Variants in LIN7B observed in about 807,000 individuals in gnomAD.
LIN7B encodes the protein lin-7 cell polarity scaffold B, also known as protein lin-7 homolog B.
LIN7B carries 16 observed loss-of-function variants against 27.9 expected under a neutral mutation model. That is an observed-to-expected ratio of 0.57 (90% CI 0.39 to 0.87). LIN7B has a LOEUF of 0.87. Ranked by LOEUF, LIN7B falls within the 40% of genes least tolerant of loss-of-function variation. LIN7B has a pLI of 0.00. For missense variants in LIN7B, 291 were observed against 288.5 expected, an observed-to-expected ratio of 1.01 and a Z score of -0.06; for synonymous variants, 147 against 120.8, an observed-to-expected ratio of 1.22 and a Z score of -1.42.
chr19:49,117,953 G>T lies in LIN7B; in HGVS notation c.537G>T (p.Glu179Asp). ...TCCGTTACACACCGCGAGTGCTGGA[G>T]GAGATGGAGGCCCGGTTCGAGAAGA... Reference protein sequence around the residue: ...LVVRYTPRVLEEMEARFEKMR... With the variant: ...LVVRYTPRVLDEMEARFEKMR... Residue 179 changes from glutamate to aspartate, a missense_variant, in exon 5 of 6, where the codon GAG (glutamate) becomes GAT (aspartate). Coordinates refer to ENST00000221459, the MANE Select transcript of LIN7B (RefSeq NM_022165.3). 1 of 1,614,126 alleles carries T rather than the reference G, an allele frequency of 6.2e-7. No homozygotes were observed. Among genetic ancestry groups the T allele is most frequent in the Non-Finnish European group, 8.5e-7 (1 of 1,179,990 alleles).
intron 4 of LIN7B, 135 bp downstream of exon 4, chr19:49,116,607 CTG>C (rs2040830316): frequency 5.9e-6 from 5 of 840,498 alleles, no homozygotes; most frequent in East Asian, 2.7e-5. Flanking sequence ...GTTACAGACT[CTG>C]AGAGATGTTG....
Position 49,114,865 on chromosome 19 carries a change from T to C in LIN7B, c.54T>C (p.Val18=). ...GCCCCGCAGACGTGTCCCGGGCGGTTGAGCTCCTCGAGCGGCTCCAGCGCA... is the reference window on the plus strand; with the variant it reads ...GCCCCGCAGACGTGTCCCGGGCGGTCGAGCTCCTCGAGCGGCTCCAGCGCA... The part of the protein sequence containing the change: ...LGLERDVSRA[V]ELLERLQRSG... Residue 18 remains valine, a synonymous_variant, in exon 2 of 6, where the codon GTT becomes GTC. Transcript: ENST00000221459. 6.8e-7 allele frequency: 1 copy of C among 1,467,808 alleles called. No individual in the cohort carries two copies. The highest frequency in any genetic ancestry group is 9.0e-7 in the Non-Finnish European group (1 of 1,114,070). The allele number at this position is 1,467,808 out of a possible 1,614,324, so 90.9% of individuals were successfully genotyped here. A position where few individuals can be genotyped will look rare whatever the true frequency, so the allele number is the denominator to read the frequency against.
Position 49,114,878 on chromosome 19 carries a change from C to A in LIN7B, c.67C>A (p.Arg23=), listed in dbSNP as rs542869528. The A allele has an allele frequency of 7.5e-6, 11 of 1,471,512 alleles. No individual in the cohort carries two copies. The highest frequency in any genetic ancestry group is 2.9e-5 in the African/African-American group (2 of 68,372). The allele number at this position is 1,471,512 out of a possible 1,614,324, so 91.2% of individuals were successfully genotyped here. A position where few individuals can be genotyped will look rare whatever the true frequency, so the allele number is the denominator to read the frequency against. The part of the protein sequence containing the change: ...DVSRAVELLE[R]LQRSGELPPQ... ...GTCCCGGGCGGTTGAGCTCCTCGAG[C>A]GGCTCCAGCGCAGCGGGGAGCTGCC... Residue 23 remains arginine, a synonymous_variant, in exon 2 of 6, where the codon CGG becomes AGG. Coordinates refer to ENST00000221459, the MANE Select transcript of LIN7B (RefSeq NM_022165.3).
At chr19:49,117,129 C>G (rs57708405) in intron 4 of LIN7B, among the ~76,000 whole-genome samples, 6,173 of 151,692 alleles carry the variant, frequency 0.041, 141 homozygotes, top group Middle Eastern at 0.085. Flanking sequence ...ACCTGTAATC[C>G]CAGCTACTTG....
At chr19:49,117,286 T>TGAGG (rs1490995930) in intron 4 of LIN7B, among the ~76,000 whole-genome samples, 1 of 147,984 alleles carries the variant, frequency 6.8e-6, no homozygotes, top group Non-Finnish European at 1.5e-5. Context: ...TGGTTAGAGT[T>TGAGG]GAGGGAAGCA....
At position 49,116,414 on chromosome 19, in the gene LIN7B, T is replaced by C. The variant is rs556797189; in HGVS notation, c.380T>C (p.Val127Ala). 30 of 1,614,120 alleles carry C rather than the reference T, an allele frequency of 1.9e-5. No homozygotes were observed. The highest frequency in any genetic ancestry group is 2.5e-5 in the Non-Finnish European group (29 of 1,180,044). ...ATCTCCCGGGTCATCCCAGGGGGTG[T>C]GGCTGACCGCCATGGAGGCCTCAAG... ...IYISRVIPGG[V>A]ADRHGGLKRG... is the part of the protein sequence containing the mutation. Residue 127 changes from valine to alanine, a missense_variant, in exon 4 of 6, where the codon GTG (valine) becomes GCG (alanine). Physicochemically the swap from Val to Ala is moderately conservative, Grantham distance 64. Coordinates refer to ENST00000221459, the MANE Select transcript of LIN7B (RefSeq NM_022165.3).
Position 49,115,256 on chromosome 19 carries a change from C to G in LIN7B, c.157-4C>G. 6.4e-7 allele frequency: 1 copy of G among 1,552,654 alleles called. No individual in the cohort carries two copies. Among genetic ancestry groups the G allele is most frequent in the South Asian group, 1.2e-5 (1 of 84,124 alleles). ...CTCCCTGATGCCGCTGCCTCCTCAC[C>G]CAGGTGTATGAGCAGCTTTATGACA... On this transcript the variant is annotated splice_region_variant and splice_polypyrimidine_tract_variant and intron_variant, in intron 2 of 5. Coordinates refer to ENST00000221459, the MANE Select transcript of LIN7B (RefSeq NM_022165.3).
intron 4 of LIN7B, 49 bp from the exon 5 acceptor site, chr19:49,117,806 G>A (rs1040675292): frequency 4.5e-6 from 7 of 1,562,316 alleles, no homozygotes; most frequent in Non-Finnish European, 6.2e-6. Flanking sequence ...GTGGGGGCTG[G>A]ACGAGGGCAG....
intron 5 of LIN7B, 146 bp downstream of exon 5, chr19:49,118,164 C>T (rs1225302322): frequency 2.1e-6 from 3 of 1,428,226 alleles, no homozygotes; most frequent in African/African-American, 1.4e-5. Flanking sequence ...CAGGCTCTCA[C>T]CCCAGGCTAG....
At chr19:49,114,811 G>T in intron 1 of LIN7B, 38 bp from the exon 2 acceptor site, 1 of 1,254,744 alleles carries the variant, frequency 8.0e-7, no homozygotes, top group South Asian at 1.6e-5. Flanking sequence ...CGGGGTCTCT[G>T]ACACTCGGGG....
intron 3 of LIN7B, chr19:49,115,757 A>C: frequency 6.3e-6 from 1 of 159,084 alleles, no homozygotes; most frequent in Non-Finnish European, 1.4e-5. Context: ...AGGCCGAGGC[A>C]GGTGGATCAG....
At chr19:49,118,074 G>C in intron 5 of LIN7B, 56 bp downstream of exon 5, 1 of 1,600,618 alleles carries the variant, frequency 6.2e-7, no homozygotes, top group Non-Finnish European at 8.5e-7. Context: ...TTTAACCCCA[G>C]GCTCCCAAAC....
chr19:49,118,111 GC>G, intron 5 of LIN7B, 93 bp downstream of exon 5: 1 of 1,550,826 alleles, frequency 6.4e-7, no homozygotes, highest in Non-Finnish European at 8.7e-7. Flanking sequence ...GGATCTTCCA[GC>G]CCTGGCCCCT....
intron 2 of LIN7B, 69 bp downstream of exon 2, chr19:49,115,036 C>G (rs1235919097): frequency 1.8e-6 from 2 of 1,121,624 alleles, no homozygotes; most frequent in Non-Finnish European, 2.4e-6. Flanking sequence ...CCTGCTTGTC[C>G]CGAGCCCGGA....
rs764535809 is a variant in LIN7B at position 49,118,368 on chromosome 19, G to A, written c.619G>A (p.Gly207Ser). The A allele has an allele frequency of 2.5e-6, 4 of 1,614,188 alleles. No homozygotes were observed. The highest frequency in any genetic ancestry group is 3.4e-6 in the Non-Finnish European group (4 of 1,180,008). The change falls in exon 6 of 6, where the codon GGT becomes AGT. Residue 207 changes from glycine to serine, a missense_variant. By Grantham distance (56) the Gly-to-Ser change is moderately conservative (BLOSUM62 0). Transcript: ENST00000221459. Reference sequence around the variant, plus strand: ...CCCTTGCAGGTCCTTGGAGTCTCGAGGTTGAAACCACAGATCTGGACGTTC... The same window carrying A: ...CCCTTGCAGGTCCTTGGAGTCTCGAAGTTGAAACCACAGATCTGGACGTTC... ...HQSYSSLESR[G>S]
At chr19:49,116,179 GC>G in intron 3 of LIN7B, 83 bp from the exon 4 acceptor site, 1 of 1,184,606 alleles carries the variant, frequency 8.4e-7, no homozygotes, top group Non-Finnish European at 1.2e-6. Context: ...AGGCTAAATC[GC>G]TGTCCTCGGT....
Position 49,116,974 on chromosome 19 carries a change from G to A in LIN7B, c.438+502G>A, listed in dbSNP as rs146766529. The stretch of plus-strand genomic sequence containing the variant: ...AAATCACTGTGGTTAGGCTGGGTGC[G>A]GTGGCTCACACCTGTAATCCCAGCA... On this transcript the variant is annotated intron_variant, in intron 4 of 5. Transcript: ENST00000221459. 6.0e-3 allele frequency among the ~76,000 whole-genome samples: 911 copies of A among 152,146 alleles called. 5 individuals are homozygous for A. In the Middle Eastern group the frequency reaches 0.061, roughly 10 times the overall value.
Position 49,116,381 on chromosome 19 carries a change from C to T in LIN7B, c.347C>T (p.Pro116Leu). The change falls in exon 4 of 6, where the codon CCC becomes CTC. Residue 116 changes from proline (P) to leucine (L), a missense_variant. Physicochemically the swap from Pro to Leu is moderately conservative, Grantham distance 98. Coordinates refer to ENST00000221459, the MANE Select transcript of LIN7B (RefSeq NM_022165.3). ...ATGGGTGGCAAAGAGCAAAACTCGC[C>T]CATCTACATCTCCCGGGTCATCCCA... ...NIMGGKEQNS[P>L]IYISRVIPGG... The T allele has an allele frequency of 6.2e-7, 1 of 1,614,258 alleles. No homozygotes were observed. The highest frequency in any genetic ancestry group is 8.5e-7 in the Non-Finnish European group (1 of 1,180,050).
chr19:49,115,324 C>T lies in LIN7B; in HGVS notation c.221C>T (p.Thr74Ile). Reference protein sequence around the residue: ...TGSAEIRAHATAKATVAAFTA... With the variant: ...TGSAEIRAHAIAKATVAAFTA... ...AGCGCCGAGATCCGAGCCCATGCCACAGCCAAGGTGGGCCCCGCACCCCAT... is the reference window on the plus strand; with the variant it reads ...AGCGCCGAGATCCGAGCCCATGCCATAGCCAAGGTGGGCCCCGCACCCCAT... Residue 74 changes from threonine to isoleucine, a missense_variant, in exon 3 of 6, where the codon ACA becomes ATA. Transcript: ENST00000221459. The T allele has an allele frequency of 6.4e-7, 1 of 1,572,316 alleles. No individual in the cohort carries two copies. Among genetic ancestry groups the T allele is most frequent in the Non-Finnish European group, 8.6e-7 (1 of 1,157,720 alleles).
Sources: gnomAD v4.1 joint callset for allele counts (sites outside exome capture counted in the v4.1 genomes callset) on GRCh38, gnomAD v4.1.1 for gene constraint, MANE v1.5 for transcripts, NCBI Gene and HGNC (gene_info 2026-07-23, HGNC 2026-07-21) for gene names.